Variants in COBL observed in about 807,000 individuals in gnomAD.
COBL encodes cordon-bleu WH2 repeat protein.
A neutral mutation model predicts 98.8 loss-of-function variants in COBL; 51 were observed. The observed-to-expected ratio is 0.52, with a 90% confidence interval of 0.41 to 0.65. COBL has a LOEUF of 0.65. Among genes scored for constraint, COBL ranks in the 30% least tolerant of loss-of-function variants. COBL has a pLI of 0.00. For synonymous variants in COBL, 634 were observed against 651.7 expected, an observed-to-expected ratio of 0.97 and a Z score of 0.41; for missense variants, 1,617 against 1,617.5, an observed-to-expected ratio of 1.00 and a Z score of 0.01.
In COBL at chr7:51,085,251, A is replaced by G. The variant is rs1329478057; in HGVS notation, c.1011T>C (p.Ala337=). Reference sequence around the variant, plus strand: ...GTGGTGGTGGCTGTGGTGGAGGGGGAGCTGGCGCTCGCCGCTTCTTCTTCT... The same window carrying G: ...GTGGTGGTGGCTGTGGTGGAGGGGGGGCTGGCGCTCGCCGCTTCTTCTTCT... ...DLQKKKRRAP[A]PPPPQPPPPS... Residue 337 remains alanine (A), a synonymous_variant, in exon 7 of 13, where the codon GCT becomes GCC. Coordinates refer to ENST00000265136, the MANE Select transcript of COBL (RefSeq NM_015198.5). 1 of 1,610,780 alleles carries G rather than the reference A, an allele frequency of 6.2e-7. No individual in the cohort carries two copies. Among genetic ancestry groups the G allele is most frequent in the Non-Finnish European group, 8.5e-7 (1 of 1,179,012 alleles).
chr7:51,060,386 A>G (rs1791208745), intron 7 of COBL, among the ~76,000 whole-genome samples: 1 of 152,064 alleles, frequency 6.6e-6, no homozygotes, highest in Non-Finnish European at 1.5e-5. Flanking sequence ...TGATCAAGGA[A>G]CTCGCTTCCC....
At chr7:51,127,550 G>A (rs1798330804) in intron 6 of COBL, among the ~76,000 whole-genome samples, 1 of 152,372 alleles carries the variant, frequency 6.6e-6, no homozygotes. Flanking sequence ...AAAGGATGTT[G>A]TTGTGGGAAC....
chr7:51,294,926 T>A (rs1335187547), intron 1 of COBL, among the ~76,000 whole-genome samples: 1 of 152,062 alleles, frequency 6.6e-6, no homozygotes, highest in Non-Finnish European at 1.5e-5. Flanking sequence ...CACTGGGGCC[T>A]GTTGCGGGGT....
intron 5 of COBL, among the ~76,000 whole-genome samples, chr7:51,177,899 C>T (rs543269238): frequency 3.3e-5 from 5 of 152,166 alleles, no homozygotes; most frequent in East Asian, 1.9e-4. Flanking sequence ...AATCCCAGCA[C>T]TTTGAGAGGT....
intron 5 of COBL, chr7:51,172,417 G>C (rs1207554811): frequency 2.5e-6 from 3 of 1,223,250 alleles, no homozygotes; most frequent in Admixed American, 4.9e-5. Flanking sequence ...GAAGTTCCAA[G>C]CAATTAGCGG....
At chr7:51,053,266 A>T (rs1222487024) in intron 7 of COBL, among the ~76,000 whole-genome samples, 2 of 152,234 alleles carry the variant, frequency 1.3e-5, no homozygotes, top group African/African-American at 4.8e-5. Context: ...TGATTTAAAT[A>T]AGAAATAAAA....
chr7:51,073,360 A>G (rs1792748251), intron 7 of COBL: 1 of 697,258 alleles, frequency 1.4e-6, no homozygotes, highest in Non-Finnish European at 2.6e-6. Flanking sequence ...GCTTGGCCTG[A>G]GTAGGGAATG....
intron 7 of COBL, among the ~76,000 whole-genome samples, chr7:51,060,565 A>AT: frequency 6.6e-6 from 1 of 152,282 alleles, no homozygotes; most frequent in Non-Finnish European, 1.5e-5. Context: ...GATGTTCTCC[A>AT]GAAGGCTGTG....
At chr7:51,287,219 A>G (rs1039784347) in intron 1 of COBL, among the ~76,000 whole-genome samples, 2 of 152,232 alleles carry the variant, frequency 1.3e-5, no homozygotes, top group Non-Finnish European at 2.9e-5. Context: ...ACAAAACTGC[A>G]TATGAACCCT....
At chr7:51,276,134 A>T (rs1435757978) in intron 1 of COBL, among the ~76,000 whole-genome samples, 1 of 152,204 alleles carries the variant, frequency 6.6e-6, no homozygotes, top group Non-Finnish European at 1.5e-5. Context: ...ACAATAACAC[A>T]GGAATTCTAA....
Position 51,030,847 on chromosome 7 carries a change from C to A in COBL, c.1469G>T (p.Arg490Leu), listed in dbSNP as rs201337619. The A allele has an allele frequency of 1.2e-6, 2 of 1,609,974 alleles. No homozygotes were observed. The highest frequency in any genetic ancestry group is 1.7e-6 in the Non-Finnish European group (2 of 1,179,026). The change falls in exon 9 of 13, where the codon CGT becomes CTT. Residue 490 changes from arginine to leucine, a missense_variant. Transcript: ENST00000265136. ...TTCATCAAGTTCTGCAAGGGTTTTA[C>A]GGAACTCTCCAGCAATTAATAGGTC... ...EEDLLIAGEF[R>L]KTLAELDEDL... is the part of the protein sequence containing the mutation.
At chr7:51,238,680 C>T (rs1001553638) in intron 1 of COBL, among the ~76,000 whole-genome samples, 1 of 152,154 alleles carries the variant, frequency 6.6e-6, no homozygotes, top group Non-Finnish European at 1.5e-5. Flanking sequence ...TTACTCAAGG[C>T]TTCAGTGCAG....
intron 2 of COBL, among the ~76,000 whole-genome samples, chr7:51,215,139 G>A (rs1792904389): frequency 6.6e-6 from 1 of 152,092 alleles, no homozygotes; most frequent in South Asian, 2.1e-4. Context: ...CTCACACCAT[G>A]AGACCTCCCT....
intron 7 of COBL, among the ~76,000 whole-genome samples, chr7:51,070,614 A>G (rs1284534267): frequency 6.6e-6 from 1 of 152,216 alleles, no homozygotes; most frequent in Non-Finnish European, 1.5e-5. Flanking sequence ...TGTTATGGGA[A>G]ATGTTAGTCT....
At chr7:51,255,035 C>T in intron 1 of COBL, among the ~76,000 whole-genome samples, 1 of 152,208 alleles carries the variant, frequency 6.6e-6, no homozygotes. Context: ...GCTACCCAAA[C>T]ATATATTTCT....
chr7:51,243,382 T>C (rs995206636), intron 1 of COBL, among the ~76,000 whole-genome samples: 5 of 152,220 alleles, frequency 3.3e-5, no homozygotes, highest in African/African-American at 4.8e-5. Flanking sequence ...GTGATGTCAC[T>C]GCCCTCATGG....
intron 5 of COBL, among the ~76,000 whole-genome samples, chr7:51,157,597 C>T (rs1465859907): frequency 6.6e-6 from 1 of 152,182 alleles, no homozygotes; most frequent in African/African-American, 2.4e-5. Flanking sequence ...AGGCACTCTG[C>T]TCTCTTCTCC....
chr7:51,072,852 T>C, intron 7 of COBL: 1 of 152,414 alleles, frequency 6.6e-6, no homozygotes, highest in East Asian at 1.9e-4. Flanking sequence ...ATGGATAGTA[T>C]ATATAAGTTG....
intron 6 of COBL, among the ~76,000 whole-genome samples, chr7:51,098,020 T>A (rs1323094487): frequency 3.2e-5 from 2 of 62,616 alleles, no homozygotes; most frequent in African/African-American, 1.9e-4. Flanking sequence ...CGAGACTCCA[T>A]CTCAAAAAAA....
Sources: allele counts gnomAD v4.1 joint callset (sites outside exome capture counted in the v4.1 genomes callset), GRCh38; gene constraint gnomAD v4.1.1; transcripts MANE v1.5; gene names NCBI Gene and HGNC (gene_info 2026-07-23, HGNC 2026-07-21).